NMT1: variants seen among roughly 807,000 people sequenced by gnomAD.
NMT1 encodes N-myristoyltransferase 1.
A neutral mutation model predicts 63.4 loss-of-function variants in NMT1; 12 were observed. The observed-to-expected ratio is 0.19, with a 90% CI of 0.12 to 0.31. The LOEUF is 0.31. Ranked by LOEUF, NMT1 falls within the 10% of genes least tolerant of loss-of-function variation. The probability of loss-of-function intolerance (pLI) is 1.00; values close to 1 mark genes in which losing one functional copy is unlikely to be tolerated. For synonymous variants in NMT1, 228 were observed against 234.3 expected (o/e 0.97, Z 0.25); for missense variants, 432 against 634.6 (o/e 0.68, Z 3.43).
chr17:45,078,854 G>A lies in NMT1; in HGVS notation c.132-2790G>A, dbSNP rs773696330. Reference sequence around the variant, plus strand: ...ATTTTTGGATTTGTGTTAGAGACGGGGTTTCGCCATGTTGCCCAGGCTGGT... The same window carrying A: ...ATTTTTGGATTTGTGTTAGAGACGGAGTTTCGCCATGTTGCCCAGGCTGGT... On this transcript the variant is annotated intron_variant, in intron 1 of 11. Coordinates refer to ENST00000258960, the MANE Select transcript of NMT1 (RefSeq NM_021079.5). 5.3e-5 allele frequency among the ~76,000 whole-genome samples: 8 copies of A among 151,918 alleles called. 1 individual carries two copies. The highest frequency in any genetic ancestry group is 6.8e-3 in the Middle Eastern group (2 of 294).
At chr17:45,070,669 G>T (rs544724082) in intron 1 of NMT1, among the ~76,000 whole-genome samples, 1 of 152,186 alleles carries the variant, frequency 6.6e-6, no homozygotes, top group Non-Finnish European at 1.5e-5. Context: ...CGCCCACCTC[G>T]GCCTCCCTAA....
chr17:45,104,638 A>G lies in NMT1; in HGVS notation c.1333-221A>G, dbSNP rs2054191313. Reference sequence around the variant, plus strand: ...CTGGACACTGAGTACATATGTGTACACTCTGAGGGACACTGGGCAGAGGCC... The same window carrying G: ...CTGGACACTGAGTACATATGTGTACGCTCTGAGGGACACTGGGCAGAGGCC... On this transcript the variant is annotated intron_variant, in intron 10 of 11. Transcript: ENST00000258960. This position sits in a 1 kb window ranked among gnomAD's most constrained non-coding sequence, Gnocchi z 4.2. The G allele has an allele frequency of 7.2e-7, 1 of 1,397,720 alleles. No individual in the cohort carries two copies. The highest frequency in any genetic ancestry group is 9.3e-7 in the Non-Finnish European group (1 of 1,076,280). The allele number at this position is 1,397,720 out of a possible 1,614,324, so 86.6% of individuals were successfully genotyped here.
intron 1 of NMT1, among the ~76,000 whole-genome samples, chr17:45,066,670 T>C (rs2053904968): frequency 6.6e-6 from 1 of 152,008 alleles, no homozygotes; most frequent in African/African-American, 2.4e-5. Context: ...TATGGGTGCG[T>C]CTCTTCAGTT....
At chr17:45,076,109 A>C (rs2143469398) in intron 1 of NMT1, among the ~76,000 whole-genome samples, 1 of 152,198 alleles carries the variant, frequency 6.6e-6, no homozygotes, top group African/African-American at 2.4e-5. Context: ...ACAAAAAATG[A>C]TGCCAGATTC....
At chr17:45,099,535 G>A (rs1237804585) in intron 8 of NMT1, 22 bp downstream of exon 8, 3 of 1,538,312 alleles carry the variant, frequency 2.0e-6, no homozygotes, top group Non-Finnish European at 1.8e-6. Flanking sequence ...CCCGGGTGGT[G>A]GGCAGGGGGC....
Position 45,104,751 on chromosome 17 carries a change from G to A in NMT1, c.1333-108G>A. On this transcript the variant is annotated intron_variant, in intron 10 of 11. Transcript: ENST00000258960. The surrounding 1 kb of genome is among the most constrained non-coding windows in gnomAD (Gnocchi z 4.2). ...GCAGCGGAGCTTCTGAGGGAACCTTGTTCTTGTGGCTGCCCACAGGACAGC... is the reference window on the plus strand; with the variant it reads ...GCAGCGGAGCTTCTGAGGGAACCTTATTCTTGTGGCTGCCCACAGGACAGC... 6.5e-7 allele frequency: 1 copy of A among 1,542,762 alleles called. No homozygotes were observed. The highest frequency in any genetic ancestry group is 8.7e-7 in the Non-Finnish European group (1 of 1,143,556).
At chr17:45,096,981 C>T in intron 5 of NMT1, 147 bp from the exon 6 acceptor site, 1 of 682,038 alleles carries the variant, frequency 1.5e-6, no homozygotes, top group East Asian at 2.5e-5. Context: ...TCTGTGTGTC[C>T]AGGAGGGCTT....
chr17:45,064,777 C>A (rs2053890837), intron 1 of NMT1, among the ~76,000 whole-genome samples: 1 of 152,146 alleles, frequency 6.6e-6, no homozygotes, highest in Non-Finnish European at 1.5e-5. Flanking sequence ...GAGCTGAGAT[C>A]TCTCCAGTGC....
Position 45,093,669 on chromosome 17 carries a change from T to G in NMT1, c.386-16T>G. On this transcript the variant is annotated splice_polypyrimidine_tract_variant and intron_variant, in intron 3 of 11. Transcript: ENST00000258960. Reference sequence around the variant, plus strand: ...GGGGGCAAAGGGTGAGGCTCACAGCTGTGCTCTTCTTTCAGGCGAAGTGGT... The same window carrying G: ...GGGGGCAAAGGGTGAGGCTCACAGCGGTGCTCTTCTTTCAGGCGAAGTGGT... 1.2e-6 allele frequency: 2 copies of G among 1,610,812 alleles called. No individual in the cohort carries two copies. Among genetic ancestry groups the G allele is most frequent in the African/African-American group, 2.7e-5 (2 of 75,022 alleles).
intron 1 of NMT1, among the ~76,000 whole-genome samples, chr17:45,075,216 G>C (rs1171439153): frequency 6.6e-6 from 1 of 152,206 alleles, no homozygotes; most frequent in African/African-American, 2.4e-5. Flanking sequence ...AGGTGCGGTG[G>C]CTCACGCCTG....
chr17:45,071,392 T>A (rs1269802329), intron 1 of NMT1: 1 of 152,246 alleles, frequency 6.6e-6, no homozygotes, highest in Non-Finnish European at 1.5e-5. Flanking sequence ...TTGCCCAGGC[T>A]GATCTCTAAC....
In NMT1 at chr17:45,096,271, G is replaced by T. The variant is rs146345914; in HGVS notation, c.582G>T (p.Pro194=). Residue 194 remains proline, a synonymous_variant, in exon 5 of 12, where the codon CCG becomes CCT. Coordinates refer to ENST00000258960, the MANE Select transcript of NMT1 (RefSeq NM_021079.5). ...DDNMFRFDYS[P]EFLLWALRPP... Reference sequence around the variant, plus strand: ...ACATGTTCCGATTTGATTATTCCCCGGAGTTTCTTTTGTGGTAAGTTGTGG... The same window carrying T: ...ACATGTTCCGATTTGATTATTCCCCTGAGTTTCTTTTGTGGTAAGTTGTGG... The T allele has an allele frequency of 6.2e-7, 1 of 1,613,804 alleles. No individual in the cohort carries two copies. Among genetic ancestry groups the T allele is most frequent in the Non-Finnish European group, 8.5e-7 (1 of 1,179,724 alleles).
chr17:45,078,996 T>C (rs1259360590), intron 1 of NMT1, among the ~76,000 whole-genome samples: 1 of 152,170 alleles, frequency 6.6e-6, no homozygotes, highest in Non-Finnish European at 1.5e-5. Context: ...GTCTAAAATA[T>C]ACAGTTAAAA....
intron 3 of NMT1, among the ~76,000 whole-genome samples, chr17:45,087,193 A>C (rs914944822): frequency 3.9e-5 from 6 of 152,142 alleles, no homozygotes; most frequent in South Asian, 2.1e-4. Flanking sequence ...AACCCAAAAA[A>C]AAAACAAAAC....
intron 1 of NMT1, among the ~76,000 whole-genome samples, chr17:45,063,562 C>T (rs372489250): frequency 6.6e-6 from 1 of 152,044 alleles, no homozygotes; most frequent in African/African-American, 2.4e-5. Flanking sequence ...GGTTTGTGCC[C>T]TATAATCTGT....
intron 1 of NMT1, chr17:45,061,676 A>G (rs1356881660): frequency 2.8e-5 from 14 of 504,626 alleles, no homozygotes; most frequent in Non-Finnish European, 4.6e-5. Flanking sequence ...TACTTTTATT[A>G]TATAAAAGTT....
In NMT1 at chr17:45,103,088, C is replaced by G. The variant is rs749581366; in HGVS notation, c.1131C>G (p.Pro377=). 3 of 1,612,932 alleles carry G rather than the reference C, an allele frequency of 1.9e-6. No individual in the cohort carries two copies. The South Asian group carries it at 3.3e-5, about 18-fold the overall frequency. ...SQEEVEHWFY[P]QENIIDTFVV... is the part of the protein sequence containing the mutation. Reference sequence around the variant, plus strand: ...AGGAGGTGGAGCACTGGTTCTACCCCCAGGAGAATATCATCGACACTTTCG... The same window carrying G: ...AGGAGGTGGAGCACTGGTTCTACCCGCAGGAGAATATCATCGACACTTTCG... The change falls in exon 9 of 12, where the codon CCC becomes CCG. Residue 377 remains proline, a synonymous_variant. Coordinates refer to ENST00000258960, the MANE Select transcript of NMT1 (RefSeq NM_021079.5). The surrounding 1 kb of genome is among the most constrained non-coding windows in gnomAD (Gnocchi z 4.8).
intron 3 of NMT1, among the ~76,000 whole-genome samples, chr17:45,088,345 A>G (rs1012157744): frequency 6.6e-6 from 1 of 152,248 alleles, no homozygotes; most frequent in Non-Finnish European, 1.5e-5. Context: ...GCTGCCATGT[A>G]TCTTGGCTCT....
At position 45,103,650 on chromosome 17, in the gene NMT1, C is replaced by T. The variant is rs1441402097; in HGVS notation, c.1165-59C>T. The T allele has an allele frequency of 5.9e-6, 9 of 1,523,100 alleles. No individual in the cohort carries two copies. The highest frequency in any genetic ancestry group is 2.5e-5 in the South Asian group (2 of 79,346). The allele number at this position is 1,523,100 out of a possible 1,614,324, so 94.3% of individuals were successfully genotyped here. A position where few individuals can be genotyped will look rare whatever the true frequency, so the allele number is the denominator to read the frequency against. ...GGTGGAGTGAGAGAAACATTTTGTT[C>T]CCGGGCCGCAGTGCCACTGTGCATG... On this transcript the variant is annotated intron_variant, in intron 9 of 11. Transcript: ENST00000258960. The surrounding 1 kb of genome is among the most constrained non-coding windows in gnomAD (Gnocchi z 4.8).
Sources: allele counts gnomAD v4.1 joint callset (sites outside exome capture counted in the v4.1 genomes callset), GRCh38; gene constraint gnomAD v4.1.1; non-coding constraint Gnocchi (gnomAD v3.1); transcripts MANE v1.5; gene names NCBI Gene and HGNC (gene_info 2026-07-23, HGNC 2026-07-21).